TRPM6: variants seen among roughly 807,000 people sequenced by gnomAD.
TRPM6 encodes channel kinase 2.
In TRPM6, 111 loss-of-function variants were observed where a neutral mutation model predicts 247.6. The ratio of observed to expected loss-of-function variants is 0.45; its 90% confidence interval spans 0.38 to 0.52. The LOEUF is 0.52. Among genes scored for constraint, TRPM6 ranks in the 20% least tolerant of loss-of-function variants. The probability of loss-of-function intolerance (pLI) is 0.00; values close to 1 mark genes in which losing one functional copy is unlikely to be tolerated. For synonymous variants in TRPM6, 892 were observed against 853.8 expected (o/e 1.04, Z -0.78); for missense variants, 2,126 against 2,421.5 (o/e 0.88, Z 2.56).
chr9:74,760,992 T>A (rs972473409), intron 27 of TRPM6, among the ~76,000 whole-genome samples: 3 of 152,114 alleles, frequency 2.0e-5, no homozygotes, highest in African/African-American at 7.2e-5. Context: ...CAGCAAGAAG[T>A]CCCTACCAGA....
At chr9:74,766,109 G>A (rs764647286) in intron 25 of TRPM6, among the ~76,000 whole-genome samples, 1 of 152,192 alleles carries the variant, frequency 6.6e-6, no homozygotes, top group Admixed American at 6.5e-5. Context: ...CAGTAATGGA[G>A]ACTCATTAAG....
At chr9:74,793,719 T>C (rs917839850) in intron 18 of TRPM6, among the ~76,000 whole-genome samples, 2 of 152,244 alleles carry the variant, frequency 1.3e-5, no homozygotes, top group Admixed American at 6.5e-5. Flanking sequence ...CACTGATTTA[T>C]AGCAGAGGGT....
At chr9:74,883,951 A>T (rs377651433) in intron 1 of TRPM6, among the ~76,000 whole-genome samples, 1 of 152,216 alleles carries the variant, frequency 6.6e-6, no homozygotes, top group East Asian at 1.9e-4. Context: ...GGAGTTCGAG[A>T]CCATCCTGAC....
At chr9:74,734,392 A>C (rs1186206540) in intron 36 of TRPM6, among the ~76,000 whole-genome samples, 1 of 152,192 alleles carries the variant, frequency 6.6e-6, no homozygotes, top group Non-Finnish European at 1.5e-5. Context: ...TAGGTTTTAC[A>C]ATATGCTAAA....
intron 1 of TRPM6, among the ~76,000 whole-genome samples, chr9:74,883,122 T>C (rs1334362235): frequency 6.6e-6 from 1 of 152,238 alleles, no homozygotes; most frequent in African/African-American, 2.4e-5. Context: ...ATTTATCTTT[T>C]TGTGACTGGT....
intron 23 of TRPM6, among the ~76,000 whole-genome samples, chr9:74,779,181 G>A (rs1827329825): frequency 1.3e-5 from 2 of 152,202 alleles, no homozygotes; most frequent in African/African-American, 4.8e-5. Flanking sequence ...GGAGGTTGAG[G>A]TGGGAGGATT....
At position 74,809,976 on chromosome 9, in the gene TRPM6, CAAAAAA is replaced by C. The variant is rs57812269; in HGVS notation, c.1497+833_1497+838del. 3.3e-4 allele frequency among the ~76,000 whole-genome samples: 11 copies of C among 33,566 alleles called. No individual in the cohort carries two copies. In the East Asian group the frequency reaches 9.4e-3, roughly 29 times the overall value. 22.0% of individuals were successfully genotyped at this position (33,566 alleles called of 152,430 possible). A position where few individuals can be genotyped will look rare whatever the true frequency, so the allele number is the denominator to read the frequency against. On this transcript the variant is annotated intron_variant, in intron 13 of 38. Coordinates refer to ENST00000360774, the MANE Select transcript of TRPM6 (RefSeq NM_017662.5). ...CCTGGGCAAGAGCAAAACTCCATCT[CAAAAAA>C]AAAAAAAAAAAAAAAAAAAACAAGG...
In TRPM6 at chr9:74,808,108, C is replaced by G; in HGVS notation, c.1564G>C (p.Gly522Arg). ...GTGTAGTTGCTGCGATATGCTCTAC[C>G]AATGAGGTATTCTACTACTAATCCA... ...DIGLVVEYLI[G>R]RAYRSNYTRK... The change falls in exon 14 of 39, where the codon GGT (glycine) becomes CGT (arginine). Residue 522 changes from glycine (G) to arginine (R), a missense_variant. Gly to Arg is a moderately radical substitution (Grantham distance 125). Coordinates refer to ENST00000360774, the MANE Select transcript of TRPM6 (RefSeq NM_017662.5). 1 of 1,613,922 alleles carries G rather than the reference C, an allele frequency of 6.2e-7. No homozygotes were observed. Among genetic ancestry groups the G allele is most frequent in the Non-Finnish European group, 8.5e-7 (1 of 1,179,876 alleles).
chr9:74,823,781 G>A (rs952560964), intron 7 of TRPM6, among the ~76,000 whole-genome samples: 8 of 152,166 alleles, frequency 5.3e-5, no homozygotes, highest in East Asian at 1.9e-4. Context: ...GCAATAAAAC[G>A]TTATTCAGCC....
chr9:74,794,890 ACT>A (rs1191807543), intron 18 of TRPM6, among the ~76,000 whole-genome samples: 28 of 41,268 alleles, frequency 6.8e-4, no homozygotes, highest in South Asian at 4.4e-3. Flanking sequence ...ACCACCCCAC[ACT>A]CTTTTTTTCT....
chr9:74,834,357 C>T (rs367622591), intron 5 of TRPM6, among the ~76,000 whole-genome samples: 14 of 152,216 alleles, frequency 9.2e-5, no homozygotes, highest in African/African-American at 3.4e-4. Flanking sequence ...GCCCTTTGGG[C>T]AATTTCTGCC....
chr9:74,851,711 T>G (rs1830317849), intron 3 of TRPM6, among the ~76,000 whole-genome samples: 1 of 149,508 alleles, frequency 6.7e-6, no homozygotes, highest in South Asian at 2.1e-4. Flanking sequence ...ATTGCGCCAC[T>G]GCGCTCCAGC....
At chr9:74,878,939 C>T (rs1304708304) in intron 1 of TRPM6, among the ~76,000 whole-genome samples, 2 of 152,074 alleles carry the variant, frequency 1.3e-5, no homozygotes, top group African/African-American at 4.8e-5. Context: ...TGCCATTGAG[C>T]TATGATTGTA....
At chr9:74,738,127 G>GA in intron 36 of TRPM6, among the ~76,000 whole-genome samples, 1 of 152,248 alleles carries the variant, frequency 6.6e-6, no homozygotes, top group East Asian at 1.9e-4. Flanking sequence ...TCATAAAACT[G>GA]AAAAATTTGT....
rs114771416 is a variant in TRPM6, at chr9:74,841,882, T to C, written c.330+284A>G. Among the ~76,000 whole-genome samples, 2,852 of 152,222 alleles carry C rather than the reference T, an allele frequency of 0.019. 85 individuals carry two copies. Among genetic ancestry groups the C allele is most frequent in the African/African-American group, 0.064 (2,654 of 41,530 alleles). On this transcript the variant is annotated intron_variant, in intron 4 of 38. Coordinates refer to ENST00000360774, the MANE Select transcript of TRPM6 (RefSeq NM_017662.5). The stretch of plus-strand genomic sequence containing the variant: ...CTGAACATCAGGAACGGTGCAGCTA[T>C]TGAAAAATGTGAAGGCACAAATACT...
intron 20 of TRPM6, among the ~76,000 whole-genome samples, chr9:74,786,521 C>CT (rs1290866150): frequency 2.6e-5 from 4 of 151,058 alleles, no homozygotes; most frequent in East Asian, 4.0e-4. Context: ...AGGTGGATCA[C>CT]GGAGGTCAGG....
chr9:74,782,625 T>A, intron 22 of TRPM6, 54 bp downstream of exon 22: 3 of 1,586,556 alleles, frequency 1.9e-6, no homozygotes. Context: ...TGTATTTTAC[T>A]CTTGTTAACT....
chr9:74,764,446 G>GA (rs1418559964), intron 25 of TRPM6, among the ~76,000 whole-genome samples: 1 of 152,160 alleles, frequency 6.6e-6, no homozygotes, highest in Non-Finnish European at 1.5e-5. Context: ...CCATTGACTA[G>GA]AATGATGCAT....
chr9:74,749,492 A>T (rs2118780109), intron 30 of TRPM6, among the ~76,000 whole-genome samples: 1 of 152,302 alleles, frequency 6.6e-6, no homozygotes. Flanking sequence ...AGGATTCCTG[A>T]ACTATGCAAA....
Sources: gnomAD v4.1 joint callset for allele counts (sites outside exome capture counted in the v4.1 genomes callset) on GRCh38, gnomAD v4.1.1 for gene constraint, MANE v1.5 for transcripts, NCBI Gene and HGNC (gene_info 2026-07-23, HGNC 2026-07-21) for gene names.